Variants in TNRC6B observed in about 807,000 individuals in gnomAD.
TNRC6B encodes trinucleotide repeat containing adaptor 6B, also known as trinucleotide repeat-containing gene 6B protein.
Under a neutral mutation model 203.6 loss-of-function variants are expected in TNRC6B, and 52 were observed. That is an observed-to-expected ratio of 0.26 (90% CI 0.20 to 0.32). TNRC6B has a LOEUF of 0.32. TNRC6B is among the 10% of genes least tolerant of loss of function. TNRC6B has a pLI of 1.00. For missense variants in TNRC6B, 1,923 were observed against 2,286.2 expected (o/e 0.84, Z 3.24); for synonymous variants, 838 against 845.7 (o/e 0.99, Z 0.16).
intron 1 of TNRC6B, among the ~76,000 whole-genome samples, chr22:40,228,542 C>T (rs560541023): frequency 2.0e-5 from 3 of 147,906 alleles, no homozygotes; most frequent in African/African-American, 7.5e-5. Context: ...TTTTTTGAGA[C>T]AGAGTCTTGC....
At chr22:40,256,321 C>T (rs374240043) in intron 3 of TNRC6B, among the ~76,000 whole-genome samples, 4 of 152,260 alleles carry the variant, frequency 2.6e-5, no homozygotes, top group East Asian at 1.9e-4. Context: ...GGAAAGGGTG[C>T]AGACCCTATT....
intron 4 of TNRC6B, among the ~76,000 whole-genome samples, chr22:40,160,490 A>G (rs1020591172): frequency 2.6e-5 from 4 of 151,750 alleles, no homozygotes; most frequent in Non-Finnish European, 5.9e-5. Context: ...AAAAAAAAAA[A>G]AGAGATATTT....
rs1408748251 is a variant in TNRC6B, at chr22:40,303,699, G to GA, written c.4120+2366_4120+2367insA. Among the ~76,000 whole-genome samples, 5 of 151,984 alleles carry GA rather than the reference G, an allele frequency of 3.3e-5. No individual in the cohort carries two copies. In the East Asian group the frequency reaches 9.7e-4, roughly 30 times the overall value. On this transcript the variant is annotated intron_variant, in intron 15 of 22. Transcript: ENST00000454349. ...GGCGGAGGAGGGCAGATCACTTGAG[G>GA]TCAGGAGTTCAAGACCAGCCTCCAA...
chr22:40,210,391 T>C (rs897667761), intron 1 of TNRC6B, among the ~76,000 whole-genome samples: 1 of 152,222 alleles, frequency 6.6e-6, no homozygotes, highest in African/African-American at 2.4e-5. Context: ...CTGGTAATGT[T>C]ATTTGTTCAA....
chr22:40,156,822 C>T (rs750727250), intron 4 of TNRC6B, among the ~76,000 whole-genome samples: 42 of 146,378 alleles, frequency 2.9e-4, no homozygotes, highest in African/African-American at 9.1e-4. Context: ...TGCAGTGGTG[C>T]AATCTGGGCT....
At chr22:40,090,415 TA>T (rs1225251386) in intron 1 of TNRC6B, among the ~76,000 whole-genome samples, 2 of 146,706 alleles carry the variant, frequency 1.4e-5, no homozygotes, top group African/African-American at 2.6e-5. Flanking sequence ...TTTTTTTTTT[TA>T]AATTTGTAGT....
At chr22:40,294,744 G>C (rs2070916509) in intron 12 of TNRC6B, among the ~76,000 whole-genome samples, 1 of 152,202 alleles carries the variant, frequency 6.6e-6, no homozygotes, top group East Asian at 1.9e-4. Flanking sequence ...TCAAATTATA[G>C]TGAGTTTGAA....
intron 1 of TNRC6B, among the ~76,000 whole-genome samples, chr22:40,089,413 A>T (rs58699216): frequency 6.6e-6 from 1 of 151,840 alleles, no homozygotes; most frequent in East Asian, 1.9e-4. Context: ...TTTTATTTTT[A>T]GTAGAGATGG....
chr22:40,170,568 T>A (rs1362515472), intron 4 of TNRC6B, among the ~76,000 whole-genome samples: 6 of 66,290 alleles, frequency 9.1e-5, no homozygotes, highest in Non-Finnish European at 1.2e-4. Context: ...TTATATATAT[T>A]ATATATATAG....
At chr22:40,093,082 G>C (rs1395307909) in intron 1 of TNRC6B, among the ~76,000 whole-genome samples, 1 of 152,204 alleles carries the variant, frequency 6.6e-6, no homozygotes, top group Non-Finnish European at 1.5e-5. Flanking sequence ...ATACCTACTT[G>C]AAAACATGCT....
intron 1 of TNRC6B, among the ~76,000 whole-genome samples, chr22:40,085,848 C>CTGTTGTTGTTGT (rs3044441): frequency 3.1e-4 from 47 of 149,278 alleles, no homozygotes; most frequent in Admixed American, 4.7e-4. Flanking sequence ...TTTGTTGTTG[C>CTGTTGTTGTTGT]TGTTGTTGTT....
At chr22:40,173,675 A>G (rs1482826199), upstream of TNRC6B, among the ~76,000 whole-genome samples, 1 of 148,136 alleles carries the variant, frequency 6.8e-6, no homozygotes, top group African/African-American at 2.5e-5. Context: ...TGGCCTCCCA[A>G]AGTGCTGGGA....
At chr22:40,236,463 C>T (rs2069948891) in intron 1 of TNRC6B, among the ~76,000 whole-genome samples, 1 of 152,038 alleles carries the variant, frequency 6.6e-6, no homozygotes, top group Non-Finnish European at 1.5e-5. Flanking sequence ...TAATCTTTTA[C>T]AGTATTAGTT....
At chr22:40,242,698 G>T (rs1309774459) in intron 1 of TNRC6B, among the ~76,000 whole-genome samples, 1 of 151,946 alleles carries the variant, frequency 6.6e-6, no homozygotes, top group Non-Finnish European at 1.5e-5. Context: ...CCAAAGTGCT[G>T]GAATTACAGG....
chr22:40,301,433 T>C, intron 15 of TNRC6B, 100 bp downstream of exon 15: 1 of 1,159,022 alleles, frequency 8.6e-7, no homozygotes, highest in East Asian at 2.6e-5. Flanking sequence ...ATGTCAGCTG[T>C]ACAAGGTAGG....
intron 3 of TNRC6B, among the ~76,000 whole-genome samples, chr22:40,150,222 CA>C (rs1420401070): frequency 1.3e-5 from 2 of 151,838 alleles, no homozygotes; most frequent in Non-Finnish European, 2.9e-5. Flanking sequence ...CTAAAAAATA[CA>C]AAAAATTAGC....
At chr22:40,078,547 C>T (rs941140716) in intron 1 of TNRC6B, among the ~76,000 whole-genome samples, 1 of 151,988 alleles carries the variant, frequency 6.6e-6, no homozygotes, top group Non-Finnish European at 1.5e-5. Context: ...TATGATTAAT[C>T]ACCAATTAAT....
intron 3 of TNRC6B, among the ~76,000 whole-genome samples, chr22:40,252,422 T>C (rs1487314999): frequency 6.6e-6 from 1 of 152,188 alleles, no homozygotes; most frequent in Admixed American, 6.5e-5. Flanking sequence ...ATGATTGGTT[T>C]CTTCATTGTT....
intron 1 of TNRC6B, among the ~76,000 whole-genome samples, chr22:40,061,568 A>G (rs1028682607): frequency 6.6e-6 from 1 of 151,950 alleles, no homozygotes; most frequent in Admixed American, 6.6e-5. Context: ...GATGGTTGGT[A>G]GTATCTTTAC....
Sources: gnomAD v4.1 joint callset for allele counts (sites outside exome capture counted in the v4.1 genomes callset) on GRCh38, gnomAD v4.1.1 for gene constraint, MANE v1.5 for transcripts, NCBI Gene and HGNC (gene_info 2026-07-23, HGNC 2026-07-21) for gene names.